The following QSOX1 variants were observed in gnomAD, a reference collection of about 807,000 sequenced individuals.
The protein encoded by QSOX1 is sulfhydryl oxidase 1.
In QSOX1, 40 loss-of-function variants were observed where a neutral mutation model predicts 76.1. The observed-to-expected ratio is 0.53, with a 90% CI of 0.41 to 0.68. The LOEUF is 0.68. Among genes scored for constraint, QSOX1 ranks in the 30% least tolerant of loss-of-function variants. The probability of loss-of-function intolerance (pLI) is 0.00; values close to 1 mark genes in which losing one functional copy is unlikely to be tolerated. For synonymous variants in QSOX1, 392 were observed against 413.1 expected (o/e 0.95, Z 0.62); for missense variants, 931 against 974.3 (o/e 0.96, Z 0.59).
At chr1:180,178,664 C>G (rs1259281917) in intron 4 of QSOX1, 130 bp from the exon 5 acceptor site, 11 of 767,600 alleles carry the variant, frequency 1.4e-5, no homozygotes, top group Non-Finnish European at 2.5e-5. Flanking sequence ...CTTGGAGGGC[C>G]CTGTGTGGAA....
At chr1:180,178,616 G>A (rs1430297212) in intron 4 of QSOX1, among the ~76,000 whole-genome samples, 178 bp from the exon 5 acceptor site, 1 of 152,256 alleles carries the variant, frequency 6.6e-6, no homozygotes, top group Non-Finnish European at 1.5e-5. Context: ...TAGATAACAA[G>A]AGCAACATCC....
chr1:180,191,905 T>G (rs12078886), intron 10 of QSOX1, among the ~76,000 whole-genome samples: 30,754 of 151,884 alleles, frequency 0.2, 3,231 homozygotes, highest in South Asian at 0.29. Flanking sequence ...TGGAGGTGTC[T>G]GTGCTGGTTT....
At chr1:180,163,889 A>G (rs986281999) in intron 1 of QSOX1, among the ~76,000 whole-genome samples, 2 of 152,180 alleles carry the variant, frequency 1.3e-5, no homozygotes, top group Non-Finnish European at 2.9e-5. Flanking sequence ...TCACCAGGAG[A>G]GAAATAATAT....
In QSOX1 at chr1:180,197,250, G is replaced by A; in HGVS notation, c.*213G>A. On this transcript the variant is annotated 3_prime_UTR_variant, in exon 12 of 12. Coordinates refer to ENST00000367602, the MANE Select transcript of QSOX1 (RefSeq NM_002826.5). ...ACAGGAGCAGGGTCCAGGTTCCCCT[G>A]CTGTGCAGGGAGGGCAGCCCCGGGC... is the stretch of plus-strand genomic sequence containing the variant. 7.5e-6 allele frequency: 12 copies of A among 1,607,318 alleles called. No individual in the cohort carries two copies. In the South Asian group the frequency reaches 1.3e-4, roughly 18 times the overall value.
chr1:180,184,012 T>TAAC lies in QSOX1; in HGVS notation c.852_854dup (p.Asn284dup), dbSNP rs1355685471. On this transcript the variant is annotated inframe_insertion, in exon 7 of 12. Coordinates refer to ENST00000367602, the MANE Select transcript of QSOX1 (RefSeq NM_002826.5). ...AGACCACAGTTGCACCAACCACTGC[T>TAAC]AACAAGATAGCTCCCACTGTTTGGA... 2 of 1,614,096 alleles carry TAAC rather than the reference T, an allele frequency of 1.2e-6. No homozygotes were observed. The highest frequency in any genetic ancestry group is 2.7e-5 in the African/African-American group (2 of 74,938).
chr1:180,203,636 A>T lies in QSOX1; in HGVS notation c.*6599A>T, dbSNP rs2149245986. ...TTGTAGGAGGCCACTGATTTGGCCT[A>T]GGCTCCTATGATGTAACCAACAGAC... On this transcript the variant is annotated 3_prime_UTR_variant, in exon 12 of 12. Coordinates refer to ENST00000367602, the MANE Select transcript of QSOX1 (RefSeq NM_002826.5). The T allele has an allele frequency of 6.6e-6, 1 of 152,376 alleles. No homozygotes were observed. The highest frequency in any genetic ancestry group is 1.9e-4 in the East Asian group (1 of 5,196). 9.4% of individuals were successfully genotyped at this position (152,376 alleles called of 1,614,324 possible).
At chr1:180,171,373 T>C (rs3753800) in intron 2 of QSOX1, among the ~76,000 whole-genome samples, 24,154 of 134,160 alleles carry the variant, frequency 0.18, 2,180 homozygotes, top group East Asian at 0.31. Flanking sequence ...GGAGGGGGAC[T>C]GGTTGCTGGG....
In QSOX1 at chr1:180,182,228, A is replaced by G. The variant is rs1200388799; in HGVS notation, c.661A>G (p.Thr221Ala). 1.2e-6 allele frequency: 2 copies of G among 1,614,208 alleles called. No individual in the cohort carries two copies. Among genetic ancestry groups the G allele is most frequent in the East Asian group, 4.5e-5 (2 of 44,878 alleles). ...KGVAVRRVLN[T>A]EANVVRKFGV... is the part of the protein sequence containing the mutation. ...CGTGGCGGTGCGCAGGGTGCTGAACACAGAGGCCAATGTGGTGAGAAAGTT... is the reference window on the plus strand; with the variant it reads ...CGTGGCGGTGCGCAGGGTGCTGAACGCAGAGGCCAATGTGGTGAGAAAGTT... Residue 221 changes from threonine (T) to alanine (A), a missense_variant, in exon 6 of 12, where the codon ACA becomes GCA. Physicochemically the swap from Thr to Ala is moderately conservative, Grantham distance 58 (BLOSUM62 0). Transcript: ENST00000367602.
rs1663615358 is a variant in QSOX1 at position 180,200,557 on chromosome 1, T to C, written c.*3520T>C. Reference sequence around the variant, plus strand: ...GGGCTCCTAAAATGCCTGAAATGTGTATGCTGTTGGAGAATTGATGTGTAT... The same window carrying C: ...GGGCTCCTAAAATGCCTGAAATGTGCATGCTGTTGGAGAATTGATGTGTAT... On this transcript the variant is annotated 3_prime_UTR_variant, in exon 12 of 12. Coordinates refer to ENST00000367602, the MANE Select transcript of QSOX1 (RefSeq NM_002826.5). 6.6e-6 allele frequency: 1 copy of C among 152,240 alleles called. No individual in the cohort carries two copies. The highest frequency in any genetic ancestry group is 2.1e-4 in the South Asian group (1 of 4,830). 9.4% of individuals were successfully genotyped at this position (152,240 alleles called of 1,614,324 possible).
chr1:180,186,268 C>G, intron 8 of QSOX1, 86 bp downstream of exon 8: 1 of 1,524,054 alleles, frequency 6.6e-7, no homozygotes, highest in Non-Finnish European at 8.8e-7. Flanking sequence ...CCCGTCAGCC[C>G]CTCCCTCCAG....
intron 8 of QSOX1, among the ~76,000 whole-genome samples, chr1:180,186,654 A>G (rs1663181613): frequency 6.6e-6 from 1 of 152,216 alleles, no homozygotes; most frequent in South Asian, 2.1e-4. Context: ...TTATTCCTTT[A>G]TAGTTTCCCC....
intron 10 of QSOX1, among the ~76,000 whole-genome samples, chr1:180,191,023 A>G (rs946937670): frequency 1.3e-5 from 2 of 152,176 alleles, no homozygotes; most frequent in Admixed American, 6.5e-5. Context: ...CTGAAAAACA[A>G]TTTCCTGGGG....
intron 1 of QSOX1, among the ~76,000 whole-genome samples, chr1:180,161,848 T>A (rs1662500519): frequency 6.6e-6 from 1 of 152,234 alleles, no homozygotes; most frequent in Non-Finnish European, 1.5e-5. Flanking sequence ...TCATTAGAGT[T>A]CTGGAAATTC....
Position 180,155,127 on chromosome 1 carries a change from A to G in QSOX1, c.220A>G (p.Ile74Val). Residue 74 changes from isoleucine (I) to valine (V), a missense_variant, in exon 1 of 12, where the codon ATC becomes GTC. Ile to Val is a conservative substitution (Grantham distance 29). Coordinates refer to ENST00000367602, the MANE Select transcript of QSOX1 (RefSeq NM_002826.5). ...CTTCGCCTCCTGGTGCGGCCACTGC[A>G]TCGCCTTCGCCCCGACGTGGAAGGC... ...EFFASWCGHC[I>V]AFAPTWKALA... 1 of 1,522,060 alleles carries G rather than the reference A, an allele frequency of 6.6e-7. No homozygotes were observed. The allele number at this position is 1,522,060 out of a possible 1,614,324, so 94.3% of individuals were successfully genotyped here. A position where few individuals can be genotyped will look rare whatever the true frequency, so the allele number is the denominator to read the frequency against.
Position 180,197,604 on chromosome 1 carries a change from T to C in QSOX1, c.*567T>C. ...TCCTGGGTGGGGTTTGGCTTCAGGG[T>C]GGGGTTTGGAAGCTTCTGGAAGTCG... On this transcript the variant is annotated 3_prime_UTR_variant, in exon 12 of 12. Transcript: ENST00000367602. 1 of 545,260 alleles carries C rather than the reference T, an allele frequency of 1.8e-6. No individual in the cohort carries two copies. The allele number at this position is 545,260 out of a possible 1,614,324, so 33.8% of individuals were successfully genotyped here.
chr1:180,166,042 G>T (rs1023533857), intron 1 of QSOX1, among the ~76,000 whole-genome samples: 4 of 152,026 alleles, frequency 2.6e-5, no homozygotes, highest in African/African-American at 4.8e-5. Flanking sequence ...TTCCCTAAGG[G>T]TCCCCTGGGG....
intron 8 of QSOX1, 119 bp from the exon 9 acceptor site, chr1:180,189,433 C>T: frequency 1.5e-5 from 5 of 331,768 alleles, no homozygotes; most frequent in South Asian, 8.6e-5. Flanking sequence ...CAACCTCCTC[C>T]CCACTGCCCC....
chr1:180,179,103 A>G (rs1474442002), intron 5 of QSOX1, among the ~76,000 whole-genome samples: 1 of 152,246 alleles, frequency 6.6e-6, no homozygotes, highest in Non-Finnish European at 1.5e-5. Flanking sequence ...ACGGAAATCA[A>G]ATATAACACC....
At chr1:180,175,118 C>T (rs1235251401) in intron 2 of QSOX1, among the ~76,000 whole-genome samples, 3 of 149,808 alleles carry the variant, frequency 2.0e-5, no homozygotes, top group Non-Finnish European at 4.4e-5. Flanking sequence ...GATCGCGCCA[C>T]TGCACTCCAG....
Sources: gnomAD v4.1 joint callset for allele counts (sites outside exome capture counted in the v4.1 genomes callset) on GRCh38, gnomAD v4.1.1 for gene constraint, MANE v1.5 for transcripts, NCBI Gene and HGNC (gene_info 2026-07-23, HGNC 2026-07-21) for gene names.